Variants in PPP2R5E observed in about 807,000 individuals in gnomAD.
PPP2R5E encodes serine/threonine-protein phosphatase 2A 56 kDa regulatory subunit epsilon isoform.
A neutral mutation model predicts 65.3 loss-of-function variants in PPP2R5E; 4 were observed. The ratio of observed to expected loss-of-function variants is 0.06; its 90% CI spans 0.03 to 0.14. The LOEUF (loss-of-function observed/expected upper bound fraction) is 0.14, where lower values mean the gene tolerates loss of function less well. PPP2R5E is among the 10% of genes least tolerant of loss of function. The pLI, the probability that PPP2R5E is intolerant of heterozygous loss-of-function variation, is 1.00. For synonymous variants in PPP2R5E, 183 were observed against 187.4 expected (o/e 0.98, Z 0.19); for missense variants, 274 against 556.1 (o/e 0.49, Z 5.10).
intron 2 of PPP2R5E, among the ~76,000 whole-genome samples, chr14:63,506,375 C>T (rs1401848065): frequency 6.6e-6 from 1 of 152,036 alleles, no homozygotes. Flanking sequence ...GGCGTGAACC[C>T]GGGAGGCGGA....
intron 5 of PPP2R5E, among the ~76,000 whole-genome samples, chr14:63,397,826 C>G (rs1885500457): frequency 6.6e-6 from 1 of 151,320 alleles, no homozygotes; most frequent in Non-Finnish European, 1.5e-5. Context: ...TGTGTTCAAG[C>G]AAGCAATTCT....
chr14:63,443,401 G>A (rs1288159664), intron 3 of PPP2R5E, among the ~76,000 whole-genome samples: 2 of 152,204 alleles, frequency 1.3e-5, no homozygotes, highest in Non-Finnish European at 2.9e-5. Flanking sequence ...CAAATGATCA[G>A]TGTGACAAGG....
At chr14:63,442,940 A>G (rs1390393366) in intron 3 of PPP2R5E, among the ~76,000 whole-genome samples, 1 of 152,238 alleles carries the variant, frequency 6.6e-6, no homozygotes, top group East Asian at 1.9e-4. Flanking sequence ...TTATTAAAAG[A>G]AACTCTCTGC....
At chr14:63,395,388 G>C in intron 6 of PPP2R5E, 103 bp from the exon 7 acceptor site, 1 of 334,796 alleles carries the variant, frequency 3.0e-6, no homozygotes, top group Middle Eastern at 7.4e-4. Context: ...AGGAGGAGAA[G>C]AGGAGGAGGA....
At chr14:63,504,229 GCA>G (rs1001000642) in intron 2 of PPP2R5E, among the ~76,000 whole-genome samples, 10 of 151,962 alleles carry the variant, frequency 6.6e-5, no homozygotes, top group African/African-American at 2.4e-4. Flanking sequence ...TTCTTGGCAA[GCA>G]AAACTTTTCT....
intron 13 of PPP2R5E, among the ~76,000 whole-genome samples, chr14:63,380,128 C>T (rs914510846): frequency 6.6e-6 from 1 of 151,856 alleles, no homozygotes; most frequent in African/African-American, 2.4e-5. Context: ...GCTACCGTGC[C>T]CAGCCAAGTT....
intron 11 of PPP2R5E, among the ~76,000 whole-genome samples, chr14:63,385,518 C>T (rs966066533): frequency 2.6e-5 from 4 of 152,130 alleles, no homozygotes; most frequent in Non-Finnish European, 4.4e-5. Context: ...ACACTTAGAT[C>T]GAACCCAGGG....
chr14:63,520,596 G>A (rs889304199), intron 2 of PPP2R5E, among the ~76,000 whole-genome samples: 1 of 152,086 alleles, frequency 6.6e-6, no homozygotes, highest in African/African-American at 2.4e-5. Flanking sequence ...ATGAATAAAT[G>A]GACTGAACTG....
At chr14:63,459,360 A>G (rs1393286184) in intron 2 of PPP2R5E, among the ~76,000 whole-genome samples, 1 of 152,192 alleles carries the variant, frequency 6.6e-6, no homozygotes, top group East Asian at 1.9e-4. Flanking sequence ...AGTAGAACTA[A>G]GCTTCCATTA....
intron 3 of PPP2R5E, among the ~76,000 whole-genome samples, chr14:63,430,401 G>GCATACATACATACATACATA (rs56314616): frequency 1.4e-5 from 2 of 143,738 alleles, no homozygotes; most frequent in East Asian, 2.1e-4. Flanking sequence ...ATACATACAT[G>GCATACATACATACATACATA]CATACATACA....
At chr14:63,495,458 G>C (rs1039217465) in intron 2 of PPP2R5E, among the ~76,000 whole-genome samples, 2 of 149,720 alleles carry the variant, frequency 1.3e-5, no homozygotes, top group African/African-American at 4.9e-5. Context: ...GTGGTGACCT[G>C]TAATCCCAGC....
intron 2 of PPP2R5E, among the ~76,000 whole-genome samples, chr14:63,519,459 T>TC (rs1195474949): frequency 6.7e-6 from 1 of 149,820 alleles, no homozygotes; most frequent in African/African-American, 2.5e-5. Flanking sequence ...CAAGTGATTC[T>TC]CCCCCCGAGT....
At chr14:63,504,841 T>C (rs891279980) in intron 2 of PPP2R5E, among the ~76,000 whole-genome samples, 1 of 152,192 alleles carries the variant, frequency 6.6e-6, no homozygotes, top group African/African-American at 2.4e-5. Flanking sequence ...GTCATCTTTG[T>C]CACTCCAGCA....
At chr14:63,415,960 C>G (rs1886662189) in intron 4 of PPP2R5E, among the ~76,000 whole-genome samples, 2 of 152,198 alleles carry the variant, frequency 1.3e-5, no homozygotes, top group Admixed American at 6.5e-5. Flanking sequence ...TACTCACTGA[C>G]AAATTTCTTT....
intron 5 of PPP2R5E, among the ~76,000 whole-genome samples, chr14:63,398,917 G>A (rs1216714695): frequency 6.6e-6 from 1 of 152,202 alleles, no homozygotes; most frequent in African/African-American, 2.4e-5. Context: ...ATACATTGTT[G>A]GTAAGAATGT....
At chr14:63,392,678 C>A (rs1885093507) in intron 8 of PPP2R5E, among the ~76,000 whole-genome samples, 1 of 152,102 alleles carries the variant, frequency 6.6e-6, no homozygotes, top group Non-Finnish European at 1.5e-5. Context: ...GACAAGAAAA[C>A]CACCCTCGCA....
intron 2 of PPP2R5E, among the ~76,000 whole-genome samples, chr14:63,469,415 G>A (rs529092309): frequency 1.7e-4 from 26 of 152,188 alleles, no homozygotes; most frequent in Non-Finnish European, 2.9e-4. Context: ...TAAAGTGGCC[G>A]GGCGCGGTGG....
At chr14:63,468,015 G>T (rs1306289061) in intron 2 of PPP2R5E, among the ~76,000 whole-genome samples, 3 of 152,208 alleles carry the variant, frequency 2.0e-5, no homozygotes, top group Non-Finnish European at 2.9e-5. Flanking sequence ...GTTTACTTAA[G>T]AATTAAGTGA....
chr14:63,382,621 G>A (rs936458976), intron 12 of PPP2R5E, among the ~76,000 whole-genome samples: 5 of 151,780 alleles, frequency 3.3e-5, no homozygotes, highest in East Asian at 1.9e-4. Flanking sequence ...GGCTGGTCTC[G>A]AACTCCCAAC....
Sources: gnomAD v4.1 joint callset for allele counts (sites outside exome capture counted in the v4.1 genomes callset) on GRCh38, gnomAD v4.1.1 for gene constraint, MANE v1.5 for transcripts, NCBI Gene and HGNC (gene_info 2026-07-23, HGNC 2026-07-21) for gene names.